FAM83B: variants seen among roughly 807,000 people sequenced by gnomAD.
FAM83B encodes protein FAM83B.
Under a neutral mutation model 38.8 loss-of-function variants are expected in FAM83B, and 26 were observed. The observed-to-expected ratio is 0.67, with a 90% CI of 0.49 to 0.93. FAM83B has a LOEUF of 0.93. Ranked by LOEUF, FAM83B falls within the 40% of genes least tolerant of loss-of-function variation. The pLI is 0.00. For missense variants in FAM83B, 1,237 were observed against 1,197.3 expected (o/e 1.03, Z -0.49); for synonymous variants, 419 against 423.1 (o/e 0.99, Z 0.12).
chr6:54,856,353 A>G (rs1001740098), intron 1 of FAM83B, among the ~76,000 whole-genome samples: 1 of 152,192 alleles, frequency 6.6e-6, no homozygotes, highest in Non-Finnish European at 1.5e-5. Context: ...TGCCAGGTGC[A>G]TTTTCTGGTT....
intron 4 of FAM83B, among the ~76,000 whole-genome samples, chr6:54,928,972 G>C (rs761751840): frequency 6.6e-6 from 1 of 152,020 alleles, no homozygotes; most frequent in Non-Finnish European, 1.5e-5. Flanking sequence ...CTATCTTTCT[G>C]TCTATATCAG....
At chr6:54,865,967 C>CATAATAATA (rs3064911) in intron 1 of FAM83B, among the ~76,000 whole-genome samples, 19 of 148,028 alleles carry the variant, frequency 1.3e-4, no homozygotes, top group African/African-American at 4.0e-4. Flanking sequence ...GTAAAATAGT[C>CATAATAATA]ATAATAATAA....
intron 1 of FAM83B, among the ~76,000 whole-genome samples, chr6:54,854,823 A>T (rs575807317): frequency 6.6e-6 from 1 of 152,350 alleles, no homozygotes; most frequent in African/African-American, 2.4e-5. Flanking sequence ...TAGTAGCTAA[A>T]ATATAAATAC....
intron 2 of FAM83B, among the ~76,000 whole-genome samples, chr6:54,908,964 T>C (rs1056312140): frequency 6.6e-6 from 1 of 152,202 alleles, no homozygotes; most frequent in Non-Finnish European, 1.5e-5. Context: ...CTGTGTGATC[T>C]TAAATAAATA....
intron 2 of FAM83B, among the ~76,000 whole-genome samples, chr6:54,911,218 A>G (rs1239834086): frequency 6.6e-6 from 1 of 151,026 alleles, no homozygotes; most frequent in Non-Finnish European, 1.5e-5. Context: ...GTTACCAACT[A>G]TTTGTTTGCT....
chr6:54,919,501 C>G (rs532419715), intron 2 of FAM83B, among the ~76,000 whole-genome samples: 1 of 151,840 alleles, frequency 6.6e-6, no homozygotes, highest in African/African-American at 2.4e-5. Context: ...CTAGATTTTT[C>G]CCCCCACTTT....
At chr6:54,868,043 A>T (rs1044024454) in intron 1 of FAM83B, among the ~76,000 whole-genome samples, 2 of 152,162 alleles carry the variant, frequency 1.3e-5, no homozygotes, top group Middle Eastern at 3.2e-3. Context: ...AACTGTAAGC[A>T]TAAGGATTGA....
intron 2 of FAM83B, among the ~76,000 whole-genome samples, chr6:54,916,810 C>T (rs16886188): frequency 0.023 from 3,548 of 152,232 alleles, 60 homozygotes; most frequent in Middle Eastern, 0.061. Context: ...GCATGACTTA[C>T]GAACCAACTT....
chr6:54,892,219 C>A (rs1772420074), intron 2 of FAM83B, among the ~76,000 whole-genome samples: 1 of 152,186 alleles, frequency 6.6e-6, no homozygotes, highest in South Asian at 2.1e-4. Context: ...CATCCAACAA[C>A]CTGCCTTTCT....
chr6:54,914,099 T>C (rs900332030), intron 2 of FAM83B, among the ~76,000 whole-genome samples: 2 of 152,124 alleles, frequency 1.3e-5, no homozygotes, highest in African/African-American at 4.8e-5. Context: ...TGTCTCTTAG[T>C]AATCTTTTAA....
rs144198940 is a variant in FAM83B at position 54,883,838 on chromosome 6, C to G, written c.444+13148C>G. On this transcript the variant is annotated intron_variant, in intron 2 of 4. Coordinates refer to ENST00000306858, the MANE Select transcript of FAM83B (RefSeq NM_001010872.3). Reference sequence around the variant, plus strand: ...TCTCAGTGTAGCCCAATTTTTTAATCTTTTATTTTAAGGTTAGCTATTTTT... The same window carrying G: ...TCTCAGTGTAGCCCAATTTTTTAATGTTTTATTTTAAGGTTAGCTATTTTT... 8.6e-3 allele frequency among the ~76,000 whole-genome samples: 1,287 copies of G among 150,366 alleles called. 9 individuals carry two copies. Among genetic ancestry groups the G allele is most frequent in the African/African-American group, 0.019 (786 of 40,886 alleles).
chr6:54,940,359 T>C lies in FAM83B; in HGVS notation c.1388T>C (p.Val463Ala). The C allele has an allele frequency of 1.2e-6, 2 of 1,614,056 alleles. No homozygotes were observed. The highest frequency in any genetic ancestry group is 1.1e-5 in the South Asian group (1 of 91,084). Residue 463 changes from valine (V) to alanine (A), a missense_variant, in exon 5 of 5, where the codon GTT (valine) becomes GCT (alanine). Physicochemically the swap from Val to Ala is moderately conservative, Grantham distance 64. Transcript: ENST00000306858. ...AATCTTGCAGACAGGAATTCAAATG[T>C]TCGGAGGTCTTTTAATGGGACAGAT... Reference protein sequence around the residue: ...TTNLADRNSNVRRSFNGTDNH... With the variant: ...TTNLADRNSNARRSFNGTDNH...
intron 1 of FAM83B, among the ~76,000 whole-genome samples, chr6:54,855,223 T>C (rs776499461): frequency 6.6e-6 from 1 of 152,204 alleles, no homozygotes; most frequent in Non-Finnish European, 1.5e-5. Flanking sequence ...TAGTAATTGA[T>C]GGATTAAAGA....
chr6:54,882,607 C>T (rs1448431529), intron 2 of FAM83B, among the ~76,000 whole-genome samples: 2 of 152,044 alleles, frequency 1.3e-5, no homozygotes, highest in Admixed American at 6.6e-5. Context: ...GCTTTTGTTC[C>T]AGTATTATTG....
rs554815520 is a variant in FAM83B at position 54,856,547 on chromosome 6, A to G, written c.-61+9721A>G. On this transcript the variant is annotated intron_variant, in intron 1 of 4. Coordinates refer to ENST00000306858, the MANE Select transcript of FAM83B (RefSeq NM_001010872.3). Reference sequence around the variant, plus strand: ...AAGTCCTAGAAATCTGTCTATATAAATCCAGCAGCATTTTACACATTTAAA... The same window carrying G: ...AAGTCCTAGAAATCTGTCTATATAAGTCCAGCAGCATTTTACACATTTAAA... Among the ~76,000 whole-genome samples, 27 of 152,214 alleles carry G rather than the reference A, an allele frequency of 1.8e-4. No homozygotes were observed. The South Asian group carries it at 5.6e-3, about 32-fold the overall frequency.
At chr6:54,860,350 T>C (rs1561904980) in intron 1 of FAM83B, among the ~76,000 whole-genome samples, 1 of 152,128 alleles carries the variant, frequency 6.6e-6, no homozygotes, top group Non-Finnish European at 1.5e-5. Flanking sequence ...GCATGAAAGC[T>C]CCTCACTTCC....
chr6:54,852,786 T>A (rs1310620351), intron 1 of FAM83B, among the ~76,000 whole-genome samples: 2 of 152,146 alleles, frequency 1.3e-5, no homozygotes, highest in African/African-American at 4.8e-5. Flanking sequence ...GAGAGTAAAA[T>A]GGCATTGCTG....
chr6:54,940,724 A>G lies in FAM83B; in HGVS notation c.1753A>G (p.Thr585Ala). Residue 585 changes from threonine (T) to alanine (A), a missense_variant, in exon 5 of 5, where the codon ACG becomes GCG. Transcript: ENST00000306858. ...ETPKEVPDTP[T>A]NVQHLTDKPL... Reference sequence around the variant, plus strand: ...ACCTAAAGAGGTCCCAGACACCCCTACGAATGTACAGCATTTGACAGACAA... The same window carrying G: ...ACCTAAAGAGGTCCCAGACACCCCTGCGAATGTACAGCATTTGACAGACAA... 6.2e-7 allele frequency: 1 copy of G among 1,614,010 alleles called. No homozygotes were observed. The highest frequency in any genetic ancestry group is 8.5e-7 in the Non-Finnish European group (1 of 1,179,990).
chr6:54,893,204 C>T (rs1581906188), intron 2 of FAM83B, among the ~76,000 whole-genome samples: 2 of 152,122 alleles, frequency 1.3e-5, no homozygotes, highest in East Asian at 3.9e-4. Context: ...TTGTAAGCCA[C>T]TAAATGTTGG....
Sources: allele counts gnomAD v4.1 joint callset (sites outside exome capture counted in the v4.1 genomes callset), GRCh38; gene constraint gnomAD v4.1.1; transcripts MANE v1.5; gene names NCBI Gene and HGNC (gene_info 2026-07-23, HGNC 2026-07-21).